GGH: variants seen among roughly 807,000 people sequenced by gnomAD.
GGH encodes the protein gamma-glutamyl hydrolase, also known as gamma-Glu-X carboxypeptidase.
In GGH, 18 loss-of-function variants were observed where a neutral mutation model predicts 39.2. The observed-to-expected ratio is 0.46, with a 90% CI of 0.32 to 0.68. The LOEUF is 0.68. GGH is among the 30% of genes least tolerant of loss of function. GGH has a pLI of 0.04. For missense variants in GGH, 367 were observed against 384.1 expected (o/e 0.96, Z 0.37); for synonymous variants, 147 against 138.8 (o/e 1.06, Z -0.42).
rs759668551 is a variant in GGH, at chr8:63,035,666, C to A, written c.214G>T (p.Val72Leu). 8.7e-6 allele frequency: 14 copies of A among 1,602,012 alleles called. No homozygotes were observed. The Admixed American group carries it at 2.4e-4, about 28-fold the overall frequency. ...KYLESAGARVVPVRLDLTEKD... is the reference protein window; with the variant it reads ...KYLESAGARVLPVRLDLTEKD... ...AACACTGAATCATACCTTACTGGTA[C>A]AACTCTCGCACCTGCAGACTCCAAG... The change falls in exon 2 of 9, where the codon GTA becomes TTA. Residue 72 changes from valine (V) to leucine (L), a missense_variant. By Grantham distance (32) the Val-to-Leu change is conservative (BLOSUM62 1). Coordinates refer to ENST00000260118, the MANE Select transcript of GGH (RefSeq NM_003878.3).
chr8:63,038,599 G>A, intron 1 of GGH, 61 bp downstream of exon 1: 1 of 876,556 alleles, frequency 1.1e-6, no homozygotes. Context: ...GGCGGCGGGA[G>A]GCGCCCAGCG....
intron 2 of GGH, among the ~76,000 whole-genome samples, chr8:63,031,605 C>T (rs552577761): frequency 1.3e-5 from 2 of 152,226 alleles, no homozygotes; most frequent in Middle Eastern, 3.4e-3. Flanking sequence ...TGCCAGCTAG[C>T]GGTGCAAGCT....
intron 2 of GGH, among the ~76,000 whole-genome samples, chr8:63,033,028 C>A (rs1804833989): frequency 6.6e-6 from 1 of 152,228 alleles, no homozygotes; most frequent in Non-Finnish European, 1.5e-5. Context: ...TAGACTACTG[C>A]AACTACCTCT....
At chr8:63,028,665 G>A (rs903982893) in intron 3 of GGH, among the ~76,000 whole-genome samples, 2 of 152,144 alleles carry the variant, frequency 1.3e-5, no homozygotes, top group Admixed American at 6.5e-5. Flanking sequence ...GACTACATGA[G>A]AGAGAAAAGG....
Position 63,035,931 on chromosome 8 carries a change from AG to A in GGH, c.110-162del, listed in dbSNP as rs752999710. Among the ~76,000 whole-genome samples, 4 of 152,318 alleles carry A rather than the reference AG, an allele frequency of 2.6e-5. 1 individual carries two copies. On this transcript the variant is annotated intron_variant, in intron 1 of 8. Transcript: ENST00000260118. ...CACCCATAGCCTATGGGAAAGCAGC[AG>A]GGGAGGCTGATCTTACTTTCAAGTA... is the stretch of plus-strand genomic sequence containing the variant.
intron 1 of GGH, among the ~76,000 whole-genome samples, chr8:63,037,704 CT>C (rs1190853847): frequency 6.6e-6 from 1 of 151,942 alleles, no homozygotes; most frequent in Non-Finnish European, 1.5e-5. Context: ...ATCCCCTCTG[CT>C]TTTTTTTCTC....
intron 5 of GGH, 106 bp downstream of exon 5, chr8:63,026,046 TCAGGGA>T: frequency 1.2e-6 from 1 of 847,504 alleles, no homozygotes; most frequent in Middle Eastern, 2.3e-4. Context: ...ATTTTTTCCT[TCAGGGA>T]AAAGGCTAAA....
intron 8 of GGH, 69 bp downstream of exon 8, chr8:63,017,424 A>G: frequency 1.9e-6 from 2 of 1,031,692 alleles, no homozygotes; most frequent in Non-Finnish European, 2.9e-6. Flanking sequence ...AGGGTAGGCA[A>G]AAGTTCAGAT....
chr8:63,019,897 C>G (rs1804556415), intron 7 of GGH, among the ~76,000 whole-genome samples: 1 of 152,170 alleles, frequency 6.6e-6, no homozygotes, highest in Non-Finnish European at 1.5e-5. Context: ...AAAGGGCACT[C>G]ATTTCTGTTA....
rs769245235 is a variant in GGH at position 63,027,220 on chromosome 8, A to G, written c.321T>C (p.Tyr107=). Residue 107 remains tyrosine, a synonymous_variant, in exon 4 of 9, where the codon TAT becomes TAC. Coordinates refer to ENST00000260118, the MANE Select transcript of GGH (RefSeq NM_003878.3). ...GGSVDLRRSD[Y]AKVAKIFYNL... ...TATAAAATATTTTGGCCACTTTAGC[A>G]TAATCTGAGCGTCTGAGGTCAACAC... 6.3e-7 allele frequency: 1 copy of G among 1,590,978 alleles called. No homozygotes were observed. Among genetic ancestry groups the G allele is most frequent in the South Asian group, 1.1e-5 (1 of 90,562 alleles).
At chr8:63,035,374 C>T (rs557504389) in intron 2 of GGH, among the ~76,000 whole-genome samples, 9 of 152,278 alleles carry the variant, frequency 5.9e-5, no homozygotes, top group African/African-American at 1.9e-4. Flanking sequence ...GGTGCGATCT[C>T]AACTCACTGC....
At chr8:63,036,581 A>G (rs1804913399) in intron 1 of GGH, among the ~76,000 whole-genome samples, 1 of 152,182 alleles carries the variant, frequency 6.6e-6, no homozygotes, top group African/African-American at 2.4e-5. Flanking sequence ...GAGCCCATCT[A>G]TGTAGGAAAG....
Position 63,015,408 on chromosome 8 carries a change from T to C in GGH, c.881A>G (p.Lys294Arg). The C allele has an allele frequency of 6.7e-7, 1 of 1,488,746 alleles. No individual in the cohort carries two copies. The highest frequency in any genetic ancestry group is 1.4e-5 in the African/African-American group (1 of 72,236). 92.2% of individuals were successfully genotyped at this position (1,488,746 alleles called of 1,614,324 possible). A position where few individuals can be genotyped will look rare whatever the true frequency, so the allele number is the denominator to read the frequency against. Residue 294 changes from lysine (K) to arginine (R), a missense_variant, in exon 9 of 9, where the codon AAA becomes AGA. Coordinates refer to ENST00000260118, the MANE Select transcript of GGH (RefSeq NM_003878.3). ...TGGACTGAACTGATAAATCAATGCT[T>C]TCTCCTCTTCAGATTCAGATTTAAA... Reference protein sequence around the residue: ...HHFKSESEEEKALIYQFSPIY... With the variant: ...HHFKSESEEERALIYQFSPIY...
At chr8:63,032,608 T>G (rs971323696) in intron 2 of GGH, among the ~76,000 whole-genome samples, 9 of 152,318 alleles carry the variant, frequency 5.9e-5, no homozygotes, top group Admixed American at 5.9e-4. Context: ...ACCACAGAAG[T>G]TGACTCCCAG....
intron 3 of GGH, among the ~76,000 whole-genome samples, chr8:63,027,657 T>C (rs1804719060): frequency 6.6e-6 from 1 of 152,126 alleles, no homozygotes; most frequent in Non-Finnish European, 1.5e-5. Context: ...TGCAGGTCCA[T>C]AATTATGGGT....
chr8:63,024,224 C>A, intron 5 of GGH, 38 bp from the exon 6 acceptor site: 1 of 1,291,190 alleles, frequency 7.7e-7, no homozygotes, highest in Admixed American at 1.9e-5. Flanking sequence ...AATTTAAACA[C>A]AAAAAAATAA....
rs916211005 is a variant in GGH at position 63,035,886 on chromosome 8, G to T, written c.110-116C>A. Reference sequence around the variant, plus strand: ...TTATTTCAATCCACAGAATTAAATAGGAAGTCTCTCCTCCAAGTCCACCCA... The same window carrying T: ...TTATTTCAATCCACAGAATTAAATATGAAGTCTCTCCTCCAAGTCCACCCA... On this transcript the variant is annotated intron_variant, in intron 1 of 8. Transcript: ENST00000260118. 9.9e-5 allele frequency: 95 copies of T among 962,580 alleles called. No individual in the cohort carries two copies. In the Admixed American group the frequency reaches 1.7e-3, roughly 17 times the overall value. The allele number at this position is 962,580 out of a possible 1,614,324, so 59.6% of individuals were successfully genotyped here. A position where few individuals can be genotyped will look rare whatever the true frequency, so the allele number is the denominator to read the frequency against.
At position 63,030,153 on chromosome 8, in the gene GGH, T is replaced by G. The variant is rs1029985656; in HGVS notation, c.275+14A>C. On this transcript the variant is annotated intron_variant, in intron 3 of 8. Coordinates refer to ENST00000260118, the MANE Select transcript of GGH (RefSeq NM_003878.3). The stretch of plus-strand genomic sequence containing the variant: ...CCACTCATATACCGTATGAAACCAA[T>G]GCTGCCAACTTACCCATTAATAGAT... 3.2e-6 allele frequency: 4 copies of G among 1,245,758 alleles called. No individual in the cohort carries two copies. The highest frequency in any genetic ancestry group is 1.7e-5 in the Admixed American group (1 of 58,808). The allele number at this position is 1,245,758 out of a possible 1,614,324, so 77.2% of individuals were successfully genotyped here.
At chr8:63,020,196 C>T (rs551115221) in intron 7 of GGH, among the ~76,000 whole-genome samples, 16 of 152,138 alleles carry the variant, frequency 1.1e-4, no homozygotes, top group Non-Finnish European at 2.4e-4. Flanking sequence ...TGCCCTGCCT[C>T]ACTGATTTAG....
Sources: allele counts gnomAD v4.1 joint callset (sites outside exome capture counted in the v4.1 genomes callset), GRCh38; gene constraint gnomAD v4.1.1; transcripts MANE v1.5; gene names NCBI Gene and HGNC (gene_info 2026-07-23, HGNC 2026-07-21).